Variants in RCOR3 observed in about 807,000 individuals in gnomAD.
RCOR3 encodes REST corepressor 3.
Under a neutral mutation model 64.1 loss-of-function variants are expected in RCOR3, and 13 were observed. The ratio of observed to expected loss-of-function variants is 0.20; its 90% CI spans 0.13 to 0.32. The LOEUF (loss-of-function observed/expected upper bound fraction) is 0.32, where lower values mean the gene tolerates loss of function less well. Ranked by LOEUF, RCOR3 falls within the 10% of genes least tolerant of loss-of-function variation. The probability of loss-of-function intolerance (pLI) is 1.00; values close to 1 mark genes in which losing one functional copy is unlikely to be tolerated. For synonymous variants in RCOR3, 215 were observed against 239.0 expected, an observed-to-expected ratio of 0.90 and a Z score of 0.93; for missense variants, 489 against 701.2, an observed-to-expected ratio of 0.70 and a Z score of 3.42.
intron 7 of RCOR3, 61 bp downstream of exon 7, chr1:211,279,377 C>T (rs1399016533): frequency 1.5e-6 from 2 of 1,291,468 alleles, no homozygotes; most frequent in South Asian, 1.3e-5. Context: ...AAAGAATGAA[C>T]AGTACTTCGT....
intron 3 of RCOR3, among the ~76,000 whole-genome samples, chr1:211,273,153 G>C (rs115505831): frequency 1.5e-3 from 222 of 152,316 alleles, no homozygotes; most frequent in Non-Finnish European, 2.8e-3. Context: ...TATTATAAGA[G>C]TGTATTCATA....
chr1:211,265,636 T>C (rs1695060751), intron 2 of RCOR3, among the ~76,000 whole-genome samples: 1 of 152,264 alleles, frequency 6.6e-6, no homozygotes, highest in East Asian at 1.9e-4. Flanking sequence ...GGAGAATTGC[T>C]TGAACCTGGG....
At chr1:211,308,684 G>GTTTTTTTTTTTTTTTTTT (rs71585833) in intron 10 of RCOR3, among the ~76,000 whole-genome samples, 4 of 42,032 alleles carry the variant, frequency 9.5e-5, no homozygotes, top group Non-Finnish European at 1.5e-4. Context: ...TTTTTTTTTT[G>GTTTTTTTTTTTTTTTTTT]TTTTTTTTTT....
intron 3 of RCOR3, chr1:211,271,562 G>A: frequency 1.8e-6 from 1 of 566,672 alleles, no homozygotes; most frequent in Non-Finnish European, 3.3e-6. Flanking sequence ...GGATCTGATG[G>A]CATTGCTGCT....
At chr1:211,273,883 T>C (rs1696593320) in intron 3 of RCOR3, among the ~76,000 whole-genome samples, 2 of 152,192 alleles carry the variant, frequency 1.3e-5, no homozygotes, top group South Asian at 4.1e-4. Context: ...AAAGGAATTA[T>C]CTTAATATTT....
chr1:211,296,670 T>G (rs2102611332), intron 9 of RCOR3, among the ~76,000 whole-genome samples: 1 of 152,238 alleles, frequency 6.6e-6, no homozygotes, highest in African/African-American at 2.4e-5. Flanking sequence ...TTCACTGTTT[T>G]GAATAATCTC....
At chr1:211,291,785 G>T (rs925572474) in intron 8 of RCOR3, among the ~76,000 whole-genome samples, 3 of 152,056 alleles carry the variant, frequency 2.0e-5, no homozygotes, top group Non-Finnish European at 4.4e-5. Context: ...TCTAGCTTCT[G>T]CCCCGTATGG....
At chr1:211,309,193 A>G (rs1365081771) in intron 10 of RCOR3, among the ~76,000 whole-genome samples, 1 of 152,168 alleles carries the variant, frequency 6.6e-6, no homozygotes, top group East Asian at 1.9e-4. Flanking sequence ...ATTAAAACAA[A>G]AAAATTGTAT....
chr1:211,309,129 T>A (rs1254426371), intron 10 of RCOR3, among the ~76,000 whole-genome samples: 7 of 145,148 alleles, frequency 4.8e-5, no homozygotes, highest in African/African-American at 1.0e-4. Context: ...ATTTTCACAG[T>A]TGGGAAATAC....
At chr1:211,301,322 A>G (rs1700358183) in intron 9 of RCOR3, 1 of 152,106 alleles carries the variant, frequency 6.6e-6, no homozygotes, top group Admixed American at 6.6e-5. Context: ...CATCTCCCAC[A>G]TCAGCATTTC....
At chr1:211,274,284 T>G (rs1373080448) in intron 4 of RCOR3, 22 bp downstream of exon 4, 1 of 1,499,426 alleles carries the variant, frequency 6.7e-7, no homozygotes, top group Non-Finnish European at 9.3e-7. Flanking sequence ...AACACTTCAG[T>G]AGTAAGGCTT....
chr1:211,292,617 A>C (rs1195654367), intron 8 of RCOR3, among the ~76,000 whole-genome samples: 4 of 152,184 alleles, frequency 2.6e-5, no homozygotes, highest in African/African-American at 7.2e-5. Flanking sequence ...TGCTACTTTT[A>C]TGTCACAAAC....
chr1:211,303,912 G>T, intron 9 of RCOR3, 171 bp from the exon 10 acceptor site: 2 of 443,210 alleles, frequency 4.5e-6, no homozygotes, highest in Non-Finnish European at 8.1e-6. Context: ...TTCTGCATGG[G>T]TAAAAGGTAA....
At chr1:211,307,500 A>AAG (rs10675827) in intron 10 of RCOR3, among the ~76,000 whole-genome samples, 2 of 114,002 alleles carry the variant, frequency 1.8e-5, no homozygotes, top group South Asian at 6.0e-4. Context: ...AGAATTTAAA[A>AAG]GAATTTAAAA....
chr1:211,308,761 G>A (rs1701189405), intron 10 of RCOR3, among the ~76,000 whole-genome samples: 1 of 91,108 alleles, frequency 1.1e-5, no homozygotes, highest in African/African-American at 3.0e-5. Context: ...ACCAAGGCTG[G>A]AGCACAGTGT....
intron 7 of RCOR3, among the ~76,000 whole-genome samples, chr1:211,280,374 A>T (rs749790676): frequency 6.6e-6 from 1 of 152,166 alleles, no homozygotes; most frequent in Non-Finnish European, 1.5e-5. Context: ...TATTTTGCCC[A>T]CTAAGCTGCT....
intron 3 of RCOR3, among the ~76,000 whole-genome samples, 158 bp from the exon 4 acceptor site, chr1:211,274,052 A>G (rs1483236000): frequency 6.6e-6 from 1 of 151,522 alleles, no homozygotes; most frequent in Non-Finnish European, 1.5e-5. Context: ...TCTTGCTATG[A>G]TAAGTCTCTT....
intron 9 of RCOR3, chr1:211,301,680 G>C (rs1700395114): frequency 6.6e-6 from 1 of 151,920 alleles, no homozygotes; most frequent in Non-Finnish European, 1.5e-5. Flanking sequence ...TCCTTGTTCT[G>C]TTTCCCCACT....
intron 9 of RCOR3, among the ~76,000 whole-genome samples, chr1:211,297,740 ATATACT>A (rs1204561214): frequency 3.9e-5 from 6 of 152,172 alleles, no homozygotes; most frequent in Non-Finnish European, 8.8e-5. Flanking sequence ...AGTCCTCAGG[ATATACT>A]TATATTTGTC....
Sources: allele counts gnomAD v4.1 joint callset (sites outside exome capture counted in the v4.1 genomes callset), GRCh38; gene constraint gnomAD v4.1.1; transcripts MANE v1.5; gene names NCBI Gene and HGNC (gene_info 2026-07-23, HGNC 2026-07-21).